The following KIAA1328 variants were observed in gnomAD, a reference collection of about 807,000 sequenced individuals.
KIAA1328 encodes the protein protein hinderin.
In KIAA1328, 52 loss-of-function variants were observed where a neutral mutation model predicts 68.1. The ratio of observed to expected loss-of-function variants is 0.76; its 90% CI spans 0.61 to 0.96. The LOEUF is 0.96. Among genes scored for constraint, KIAA1328 ranks in the 40% least tolerant of loss-of-function variants. The pLI, the probability that KIAA1328 is intolerant of heterozygous loss-of-function variation, is 0.00. For synonymous variants in KIAA1328, 232 were observed against 239.4 expected (o/e 0.97, Z 0.28); for missense variants, 641 against 677.6 (o/e 0.95, Z 0.60).
chr18:36,937,648 A>G (rs2050553911), intron 5 of KIAA1328, among the ~76,000 whole-genome samples: 1 of 152,160 alleles, frequency 6.6e-6, no homozygotes, highest in African/African-American at 2.4e-5. Flanking sequence ...AAGTATGTTT[A>G]CATATACCTA....
At position 37,080,633 on chromosome 18, in the gene KIAA1328, G is replaced by A. The variant is rs548022956; in HGVS notation, c.1232+13088G>A. Among the ~76,000 whole-genome samples, 39 of 151,980 alleles carry A rather than the reference G, an allele frequency of 2.6e-4. No homozygotes were observed. The East Asian group carries it at 7.6e-3, about 30-fold the overall frequency. On this transcript the variant is annotated intron_variant, in intron 7 of 9. Transcript: ENST00000280020. The stretch of plus-strand genomic sequence containing the variant: ...CTACTAAAAATACAAAAATTAGCCG[G>A]GCATGGTGGCAGGCACCTGTAATCC...
At chr18:37,051,477 C>T (rs1465540633) in intron 6 of KIAA1328, among the ~76,000 whole-genome samples, 2 of 151,904 alleles carry the variant, frequency 1.3e-5, no homozygotes, top group African/African-American at 2.4e-5. Context: ...TCCTGGAAAC[C>T]CACACCCTCC....
In KIAA1328 at chr18:37,222,436, G is replaced by C; in HGVS notation, c.*209G>C. 1 of 1,408,990 alleles carries C rather than the reference G, an allele frequency of 7.1e-7. No homozygotes were observed. Among genetic ancestry groups the C allele is most frequent in the South Asian group, 1.5e-5 (1 of 64,926 alleles). The allele number at this position is 1,408,990 out of a possible 1,614,324, so 87.3% of individuals were successfully genotyped here. A position where few individuals can be genotyped will look rare whatever the true frequency, so the allele number is the denominator to read the frequency against. On this transcript the variant is annotated 3_prime_UTR_variant, in exon 10 of 10. Transcript: ENST00000280020. Reference sequence around the variant, plus strand: ...CATTCGATAACACACTAAGGGGGTAGGAATGGAAGATGGTATCTTTTATAT... The same window carrying C: ...CATTCGATAACACACTAAGGGGGTACGAATGGAAGATGGTATCTTTTATAT...
intron 7 of KIAA1328, among the ~76,000 whole-genome samples, chr18:37,121,755 G>A (rs2058277815): frequency 6.6e-6 from 1 of 152,096 alleles, no homozygotes; most frequent in Non-Finnish European, 1.5e-5. Flanking sequence ...TAGTAGACAT[G>A]TTGAAAATAA....
chr18:37,173,983 T>C (rs1323917124), intron 9 of KIAA1328, among the ~76,000 whole-genome samples: 1 of 152,168 alleles, frequency 6.6e-6, no homozygotes, highest in Non-Finnish European at 1.5e-5. Context: ...ATTCCTTTAA[T>C]TCTGGAGCTA....
At chr18:37,117,882 A>AT (rs1426838458) in intron 7 of KIAA1328, among the ~76,000 whole-genome samples, 175 of 142,324 alleles carry the variant, frequency 1.2e-3, no homozygotes, top group South Asian at 5.0e-3. Flanking sequence ...GGTTTAAAAA[A>AT]AAAAAATATA....
chr18:36,845,091 A>G (rs1019813772), intron 4 of KIAA1328, among the ~76,000 whole-genome samples: 5 of 151,780 alleles, frequency 3.3e-5, no homozygotes, highest in Non-Finnish European at 7.4e-5. Flanking sequence ...AAGTTAAAAA[A>G]TTACCTTACT....
rs752471320 is a variant in KIAA1328 at position 36,829,218 on chromosome 18, G to T, written c.58+22G>T. The T allele has an allele frequency of 4.7e-6, 7 of 1,502,572 alleles. No individual in the cohort carries two copies. In the South Asian group the frequency reaches 6.3e-5, roughly 13 times the overall value. The allele number at this position is 1,502,572 out of a possible 1,614,324, so 93.1% of individuals were successfully genotyped here. On this transcript the variant is annotated intron_variant, in intron 1 of 9. Coordinates refer to ENST00000280020, the MANE Select transcript of KIAA1328 (RefSeq NM_020776.3). ...GACTGTATCCTTTGCCCGCCTGACA[G>T]GGGGCGCCGGCGCCCTCCACGGGAC...
intron 7 of KIAA1328, among the ~76,000 whole-genome samples, chr18:37,077,286 G>C (rs566051240): frequency 1.9e-5 from 2 of 106,324 alleles, no homozygotes; most frequent in East Asian, 2.2e-4. Flanking sequence ...ATTCAACAAG[G>C]CTTCATGCTA....
intron 6 of KIAA1328, among the ~76,000 whole-genome samples, chr18:37,045,017 A>G (rs2055410283): frequency 6.6e-6 from 1 of 152,194 alleles, no homozygotes; most frequent in Non-Finnish European, 1.5e-5. Context: ...TTGGGTTTTC[A>G]GAGAGAAGAA....
intron 6 of KIAA1328, among the ~76,000 whole-genome samples, chr18:37,039,098 T>C (rs1373337713): frequency 2.0e-5 from 3 of 152,198 alleles, no homozygotes; most frequent in Non-Finnish European, 4.4e-5. Flanking sequence ...TTTTTTCTTA[T>C]ATGGGATTTC....
intron 6 of KIAA1328, among the ~76,000 whole-genome samples, chr18:36,999,478 T>C (rs900217892): frequency 2.6e-5 from 4 of 152,210 alleles, no homozygotes; most frequent in African/African-American, 4.8e-5. Flanking sequence ...AAAGTCAGAC[T>C]GTCTGAAATA....
intron 6 of KIAA1328, among the ~76,000 whole-genome samples, chr18:37,055,268 T>C (rs574155682): frequency 3.0e-4 from 45 of 152,324 alleles, no homozygotes; most frequent in African/African-American, 9.9e-4. Flanking sequence ...AAAATTCAGC[T>C]CTAATTGGTG....
chr18:36,906,200 ATT>A (rs1343107706), intron 5 of KIAA1328, among the ~76,000 whole-genome samples: 1 of 152,160 alleles, frequency 6.6e-6, no homozygotes, highest in African/African-American at 2.4e-5. Context: ...CTCCTAAATG[ATT>A]TTTAAAATAT....
At chr18:36,868,430 G>A (rs1406608935) in intron 4 of KIAA1328, among the ~76,000 whole-genome samples, 2 of 152,264 alleles carry the variant, frequency 1.3e-5, no homozygotes, top group Non-Finnish European at 2.9e-5. Context: ...GGGGAAAGCA[G>A]TGTCATTTTT....
At chr18:37,128,448 C>T (rs1002522392) in intron 7 of KIAA1328, among the ~76,000 whole-genome samples, 3 of 152,104 alleles carry the variant, frequency 2.0e-5, no homozygotes, top group Non-Finnish European at 2.9e-5. Flanking sequence ...ACTCCAGCCT[C>T]GGTGACAGAG....
chr18:37,143,753 A>G (rs555888395), intron 7 of KIAA1328, among the ~76,000 whole-genome samples: 1 of 152,012 alleles, frequency 6.6e-6, no homozygotes, highest in South Asian at 2.1e-4. Context: ...TAACTTTATC[A>G]AATGCTTTTT....
intron 5 of KIAA1328, among the ~76,000 whole-genome samples, chr18:36,896,935 A>T (rs896864897): frequency 1.3e-5 from 2 of 152,258 alleles, no homozygotes; most frequent in East Asian, 3.9e-4. Context: ...TTGTCTTAGT[A>T]TTCTTAACCT....
Position 37,222,483 on chromosome 18 carries a change from A to G in KIAA1328, c.*256A>G, listed in dbSNP as rs537180820. On this transcript the variant is annotated 3_prime_UTR_variant, in exon 10 of 10. Transcript: ENST00000280020. The stretch of plus-strand genomic sequence containing the variant: ...ATATGCTAAACAGATTAGAAAATTA[A>G]CATAGGATACTTTCTGCGTGGTGGA... 2.8e-4 allele frequency: 365 copies of G among 1,288,878 alleles called. No individual in the cohort carries two copies. Among genetic ancestry groups the G allele is most frequent in the Admixed American group, 3.6e-4 (10 of 28,040 alleles). The allele number at this position is 1,288,878 out of a possible 1,614,324, so 79.8% of individuals were successfully genotyped here.
Sources: allele counts gnomAD v4.1 joint callset (sites outside exome capture counted in the v4.1 genomes callset), GRCh38; gene constraint gnomAD v4.1.1; transcripts MANE v1.5; gene names NCBI Gene and HGNC (gene_info 2026-07-23, HGNC 2026-07-21).